DLC1: variants seen among roughly 807,000 people sequenced by gnomAD.
DLC1 encodes the protein DLC1 Rho GTPase activating protein.
A neutral mutation model predicts 140.3 loss-of-function variants in DLC1; 54 were observed. That is an observed-to-expected ratio of 0.38 (90% CI 0.31 to 0.48). The LOEUF (loss-of-function observed/expected upper bound fraction) is 0.48. DLC1 is among the 20% of genes least tolerant of loss of function. The pLI is 0.96. For synonymous variants in DLC1, 986 were observed against 728.1 expected (o/e 1.35, Z -5.70); for missense variants, 2,536 against 1,907.0 (o/e 1.33, Z -6.14).
At chr8:13,572,866 T>C (rs1364078214) in intron 1 of DLC1, among the ~76,000 whole-genome samples, 1 of 152,208 alleles carries the variant, frequency 6.6e-6, no homozygotes, top group Non-Finnish European at 1.5e-5. Flanking sequence ...AGTACCATAA[T>C]ATTTTTATTA....
chr8:13,126,566 G>A (rs1350661809), intron 5 of DLC1, among the ~76,000 whole-genome samples: 1 of 152,086 alleles, frequency 6.6e-6, no homozygotes, highest in Non-Finnish European at 1.5e-5. Flanking sequence ...CAGTTTTAAA[G>A]GTCCTTATTT....
intron 1 of DLC1, among the ~76,000 whole-genome samples, chr8:13,552,205 A>T (rs1248478555): frequency 7.0e-6 from 1 of 143,850 alleles, no homozygotes; most frequent in Non-Finnish European, 1.5e-5. Context: ...CTAGAGGTGT[A>T]TATATATACC....
At chr8:13,293,528 T>C (rs1192149816) in intron 5 of DLC1, among the ~76,000 whole-genome samples, 1 of 152,214 alleles carries the variant, frequency 6.6e-6, no homozygotes, top group Non-Finnish European at 1.5e-5. Context: ...ATCTGCCAAA[T>C]AAACAGATTG....
intron 2 of DLC1, among the ~76,000 whole-genome samples, chr8:13,403,380 G>A (rs936987550): frequency 1.3e-5 from 2 of 152,104 alleles, no homozygotes; most frequent in South Asian, 2.1e-4. Context: ...ACTTATTTAG[G>A]TTAATTCCCT....
chr8:13,431,482 C>CAAAAAAAAAAAAAAAAAAAA, intron 2 of DLC1, among the ~76,000 whole-genome samples: 1 of 40,606 alleles, frequency 2.5e-5, no homozygotes, highest in South Asian at 1.5e-3. Context: ...GACTCCGTCT[C>CAAAAAAAAAAAAAAAAAAAA]AAAAAAAAAA....
chr8:13,506,588 T>TATATATATATATATATATATATATACAC (rs1408574214), intron 1 of DLC1, among the ~76,000 whole-genome samples: 4 of 22,230 alleles, frequency 1.8e-4, no homozygotes, highest in African/African-American at 5.1e-4. Flanking sequence ...TGTGTATATA[T>TATATATATATATATATATATATATACAC]ATATATATAT....
intron 5 of DLC1, among the ~76,000 whole-genome samples, chr8:13,164,041 A>T (rs1824916931): frequency 6.6e-6 from 1 of 152,096 alleles, no homozygotes; most frequent in African/African-American, 2.4e-5. Context: ...TCACACCTGC[A>T]ATCCCAGCGC....
intron 3 of DLC1, among the ~76,000 whole-genome samples, chr8:13,395,691 A>G (rs1197570713): frequency 6.6e-5 from 10 of 152,158 alleles, no homozygotes; most frequent in Admixed American, 1.3e-4. Context: ...CTCCAGTTGG[A>G]AGGGTACAAA....
chr8:13,554,473 A>G (rs1449416831), intron 1 of DLC1, among the ~76,000 whole-genome samples: 1 of 152,132 alleles, frequency 6.6e-6, no homozygotes, highest in Non-Finnish European at 1.5e-5. Flanking sequence ...GGTGTTTAAA[A>G]GCCATCTCAG....
At chr8:13,506,733 GGGAA>G (rs2117233125) in intron 1 of DLC1, among the ~76,000 whole-genome samples, 1 of 151,872 alleles carries the variant, frequency 6.6e-6, no homozygotes, top group South Asian at 2.1e-4. Context: ...TAGTCACTGT[GGGAA>G]GGAAGAGAAG....
chr8:13,228,356 A>C (rs1828890676), intron 5 of DLC1, among the ~76,000 whole-genome samples: 1 of 152,108 alleles, frequency 6.6e-6, no homozygotes, highest in African/African-American at 2.4e-5. Flanking sequence ...AAGGAGGGAG[A>C]GATTTCACAA....
chr8:13,289,050 C>G (rs1831650707), intron 5 of DLC1, among the ~76,000 whole-genome samples: 1 of 152,174 alleles, frequency 6.6e-6, no homozygotes, highest in Non-Finnish European at 1.5e-5. Context: ...CACTTTCATT[C>G]TGTGACCAAC....
intron 5 of DLC1, among the ~76,000 whole-genome samples, chr8:13,302,815 T>C (rs78569417): frequency 6.6e-6 from 1 of 151,688 alleles, no homozygotes; most frequent in Non-Finnish European, 1.5e-5. Context: ...CCTGCCTTCA[T>C]GGCCATTCCT....
rs186639133 is a variant in DLC1, at chr8:13,125,674, T to C, written c.1349-10017A>G. Reference sequence around the variant, plus strand: ...CAGTGCCCTCACTTGTAAATCACCATACTGGTTTTCAGTCCTAGTAAGGAA... The same window carrying C: ...CAGTGCCCTCACTTGTAAATCACCACACTGGTTTTCAGTCCTAGTAAGGAA... On this transcript the variant is annotated intron_variant, in intron 5 of 17. Transcript: ENST00000276297. Among the ~76,000 whole-genome samples, 6 of 152,210 alleles carry C rather than the reference T, an allele frequency of 3.9e-5. No homozygotes were observed. In the East Asian group the frequency reaches 9.7e-4, roughly 25 times the overall value.
intron 5 of DLC1, among the ~76,000 whole-genome samples, chr8:13,245,794 G>A (rs984490712): frequency 1.3e-5 from 2 of 152,090 alleles, no homozygotes; most frequent in African/African-American, 2.4e-5. Context: ...TCAGCTCCCT[G>A]GGTTCAAGCG....
chr8:13,132,838 G>T, intron 5 of DLC1: 1 of 1,382,048 alleles, frequency 7.2e-7, no homozygotes, highest in Non-Finnish European at 1.0e-6. Context: ...AAAGAGCACA[G>T]AACAGGCACC....
chr8:13,192,390 G>T (rs899428923), intron 5 of DLC1, among the ~76,000 whole-genome samples: 1 of 152,196 alleles, frequency 6.6e-6, no homozygotes, highest in Non-Finnish European at 1.5e-5. Context: ...TATTGACTTA[G>T]AACGAGAAAA....
In DLC1 at chr8:13,393,118, A is replaced by G. The variant is rs550601723; in HGVS notation, c.1314+435T>C. 1.0e-3 allele frequency among the ~76,000 whole-genome samples: 156 copies of G among 151,466 alleles called. 1 individual carries two copies. The Middle Eastern group carries it at 0.02, about 20-fold the overall frequency. On this transcript the variant is annotated intron_variant, in intron 4 of 17. Transcript: ENST00000276297. ...CTCTATCATCTGTTTCTCCTTATCA[A>G]TCAATCAGTCTATCTGTCCATCCAT...
Position 13,108,336 on chromosome 8 carries a change from C to A in DLC1, c.1502+2406G>T, listed in dbSNP as rs897620367. On this transcript the variant is annotated intron_variant, in intron 7 of 17. Coordinates refer to ENST00000276297, the MANE Select transcript of DLC1 (RefSeq NM_182643.3). ...TTTAATTTTTAAAGCGCTCTGACAT[C>A]CATCACTGCATTTCCTATAAGATGT... 3.3e-5 allele frequency among the ~76,000 whole-genome samples: 5 copies of A among 152,166 alleles called. 1 individual carries two copies. Among genetic ancestry groups the A allele is most frequent in the Non-Finnish European group, 7.4e-5 (5 of 68,022 alleles).
Sources: gnomAD v4.1 joint callset for allele counts (sites outside exome capture counted in the v4.1 genomes callset) on GRCh38, gnomAD v4.1.1 for gene constraint, MANE v1.5 for transcripts, NCBI Gene and HGNC (gene_info 2026-07-23, HGNC 2026-07-21) for gene names.